The following CDH3 variants were observed in gnomAD, a reference collection of about 807,000 sequenced individuals.
CDH3 encodes the protein cadherin-3.
A neutral mutation model predicts 82.0 loss-of-function variants in CDH3; 54 were observed. The observed-to-expected ratio is 0.66, with a 90% CI of 0.53 to 0.83. The LOEUF is 0.83. CDH3 is among the 40% of genes least tolerant of loss of function. The pLI is 0.00. For synonymous variants in CDH3, 446 were observed against 437.9 expected (o/e 1.02, Z -0.23); for missense variants, 1,054 against 1,084.6 (o/e 0.97, Z 0.40).
At chr16:68,697,957 C>T (rs1015475927) in intron 15 of CDH3, 21 of 619,342 alleles carry the variant, frequency 3.4e-5, no homozygotes, top group African/African-American at 2.2e-4. Flanking sequence ...GAGTTCTGGC[C>T]CGGGCTGTCT....
At chr16:68,695,553 G>T (rs916123898) in intron 14 of CDH3, among the ~76,000 whole-genome samples, 168 bp downstream of exon 14, 1 of 152,226 alleles carries the variant, frequency 6.6e-6, no homozygotes, top group East Asian at 1.9e-4. Context: ...CATTGCTGTA[G>T]TCTCTTTGGC....
chr16:68,716,654 TG>T (rs1962098928), intron 1 of CDH3, among the ~76,000 whole-genome samples: 1 of 144,980 alleles, frequency 6.9e-6, no homozygotes. Flanking sequence ...AGAAAAAAAC[TG>T]ATAACAGTAG....
intron 2 of CDH3, chr16:68,651,301 A>G (rs1960235955): frequency 1.8e-6 from 1 of 549,712 alleles, no homozygotes; most frequent in South Asian, 1.4e-5. Context: ...CGTCATGCCC[A>G]TGTGGCTGGC....
At chr16:68,654,714 ATAT>A (rs1360411407) in intron 2 of CDH3, among the ~76,000 whole-genome samples, 1 of 83,246 alleles carries the variant, frequency 1.2e-5, no homozygotes, top group Non-Finnish European at 2.7e-5. Flanking sequence ...AAAAAAAAAA[ATAT>A]ATATATATAT....
intron 2 of CDH3, among the ~76,000 whole-genome samples, chr16:68,657,973 C>T (rs886619853): frequency 1.6e-4 from 25 of 152,122 alleles, no homozygotes; most frequent in African/African-American, 5.8e-4. Context: ...TTAACCGTGC[C>T]TAAGAGTGCA....
chr16:68,664,170 T>TA (rs1295403192), intron 2 of CDH3, among the ~76,000 whole-genome samples: 1 of 152,126 alleles, frequency 6.6e-6, no homozygotes, highest in Non-Finnish European at 1.5e-5. Context: ...GAGTACATGA[T>TA]ATGCTATTCC....
chr16:68,662,793 G>A (rs1446083789), intron 2 of CDH3, among the ~76,000 whole-genome samples: 1 of 149,866 alleles, frequency 6.7e-6, no homozygotes, highest in South Asian at 2.2e-4. Context: ...TGATCCACCT[G>A]CCTCAGCCTC....
intron 11 of CDH3, chr16:68,686,625 T>C (rs1048507834): frequency 9.2e-7 from 1 of 1,083,004 alleles, no homozygotes; most frequent in Admixed American, 1.7e-5. Flanking sequence ...AAAGTAGTTC[T>C]AGATGACAAG....
intron 11 of CDH3, among the ~76,000 whole-genome samples, chr16:68,687,298 G>A (rs1339434246): frequency 2.0e-5 from 3 of 152,210 alleles, no homozygotes; most frequent in Admixed American, 6.5e-5. Flanking sequence ...GTGGCTGTCT[G>A]GATGAAGTGG....
intron 2 of CDH3, among the ~76,000 whole-genome samples, chr16:68,666,246 C>T (rs776719155): frequency 3.0e-4 from 46 of 151,936 alleles, no homozygotes; most frequent in Admixed American, 4.6e-4. Context: ...AGATCCAGGT[C>T]CAGGGGGCCT....
intron 2 of CDH3, among the ~76,000 whole-genome samples, chr16:68,724,258 A>G (rs1962195557): frequency 6.6e-6 from 1 of 151,982 alleles, no homozygotes. Context: ...AAAATAAATA[A>G]ATGATGTTAG....
intron 7 of CDH3, among the ~76,000 whole-genome samples, chr16:68,680,748 A>T (rs1402170209): frequency 6.6e-6 from 1 of 152,196 alleles, no homozygotes; most frequent in East Asian, 1.9e-4. Context: ...TCCCTAGGAC[A>T]GGCCCAGGAG....
intron 2 of CDH3, among the ~76,000 whole-genome samples, chr16:68,659,545 A>G (rs1235037663): frequency 6.6e-6 from 1 of 150,560 alleles, no homozygotes; most frequent in Non-Finnish European, 1.5e-5. Context: ...ACTGCACTGC[A>G]CTCCAGCCTG....
chr16:68,701,671 A>G (rs1486264677), downstream of CDH3, among the ~76,000 whole-genome samples: 1 of 150,754 alleles, frequency 6.6e-6, no homozygotes, highest in Non-Finnish European at 1.5e-5. Flanking sequence ...TCAGCCTCCC[A>G]AGTAGCTGGG....
At chr16:68,656,597 G>T (rs924804694) in intron 2 of CDH3, among the ~76,000 whole-genome samples, 3 of 152,150 alleles carry the variant, frequency 2.0e-5, no homozygotes, top group Non-Finnish European at 2.9e-5. Flanking sequence ...TTGTCACTTT[G>T]TAACTATCTA....
chr16:68,684,054 G>A (rs966468476), intron 9 of CDH3, among the ~76,000 whole-genome samples: 34 of 126,864 alleles, frequency 2.7e-4, no homozygotes, highest in East Asian at 6.7e-4. Context: ...ATGACAGAGC[G>A]AGACTCCGTC....
intron 2 of CDH3, among the ~76,000 whole-genome samples, chr16:68,726,872 C>T (rs893007919): frequency 2.0e-5 from 3 of 152,202 alleles, no homozygotes; most frequent in African/African-American, 4.8e-5. Context: ...AGCCACCGCG[C>T]CCGCCCCAGC....
chr16:68,698,074 C>G (rs745982384), intron 15 of CDH3, 117 bp from the exon 16 acceptor site: 12 of 920,254 alleles, frequency 1.3e-5, no homozygotes, highest in Non-Finnish European at 2.1e-5. Flanking sequence ...TCTTTCATTT[C>G]TACCTCCAAA....
chr16:68,704,212 G>A (rs1247610479), downstream of CDH3, among the ~76,000 whole-genome samples: 11 of 151,978 alleles, frequency 7.2e-5, no homozygotes, highest in South Asian at 2.1e-4. Flanking sequence ...GCGTGAACCC[G>A]GGAGGCAGAG....
Sources: gnomAD v4.1 joint callset for allele counts (sites outside exome capture counted in the v4.1 genomes callset) on GRCh38, gnomAD v4.1.1 for gene constraint, MANE v1.5 for transcripts, NCBI Gene and HGNC (gene_info 2026-07-23, HGNC 2026-07-21) for gene names.